The following LRP1B variants were observed in gnomAD, a reference collection of about 807,000 sequenced individuals.
The protein encoded by LRP1B is LDL receptor related protein 1B, also known as low-density lipoprotein receptor-related protein 1B.
LRP1B carries 217 observed loss-of-function variants against 556.6 expected under a neutral mutation model. That is an observed-to-expected ratio of 0.39 (90% CI 0.35 to 0.44). The LOEUF is 0.44. Ranked by LOEUF, LRP1B falls within the 20% of genes least tolerant of loss-of-function variation. The pLI, the probability that LRP1B is intolerant of heterozygous loss-of-function variation, is 1.00. For missense variants in LRP1B, 5,053 were observed against 5,620.8 expected (o/e 0.90, Z 3.23); for synonymous variants, 2,047 against 1,865.8 (o/e 1.10, Z -2.50).
chr2:141,834,320 T>A (rs1697199408), intron 1 of LRP1B, among the ~76,000 whole-genome samples: 1 of 151,812 alleles, frequency 6.6e-6, no homozygotes, highest in Non-Finnish European at 1.5e-5. Context: ...ACAGGCAGAC[T>A]AATTAAGAAG....
intron 3 of LRP1B, among the ~76,000 whole-genome samples, chr2:141,372,798 G>A (rs1469097081): frequency 6.6e-6 from 1 of 151,174 alleles, no homozygotes; most frequent in African/African-American, 2.4e-5. Flanking sequence ...TATTATTTTT[G>A]CTTCTCTTTT....
chr2:140,762,879 T>C (rs1314570321), intron 35 of LRP1B, among the ~76,000 whole-genome samples: 1 of 152,118 alleles, frequency 6.6e-6, no homozygotes, highest in Non-Finnish European at 1.5e-5. Flanking sequence ...TATTCAGTTT[T>C]CTTAAAATGG....
chr2:141,414,719 C>A (rs1307719763), intron 3 of LRP1B, among the ~76,000 whole-genome samples: 1 of 152,186 alleles, frequency 6.6e-6, no homozygotes, highest in Admixed American at 6.5e-5. Context: ...TGCTTTCAAT[C>A]CTGTTTCTGA....
At chr2:140,546,461 G>A (rs1680343179) in intron 43 of LRP1B, among the ~76,000 whole-genome samples, 3 of 152,064 alleles carry the variant, frequency 2.0e-5, no homozygotes, top group Admixed American at 2.0e-4. Flanking sequence ...GGAGGCCTCA[G>A]GAAACTTACA....
intron 3 of LRP1B, among the ~76,000 whole-genome samples, chr2:141,417,758 A>ATTTTTTTTTT (rs56660575): frequency 7.3e-6 from 1 of 136,368 alleles, no homozygotes; most frequent in Non-Finnish European, 1.6e-5. Context: ...TGGTAGTTCT[A>ATTTTTTTTTT]TTTTTTTTTT....
chr2:140,910,587 A>C (rs1694390991), intron 21 of LRP1B, among the ~76,000 whole-genome samples: 1 of 151,912 alleles, frequency 6.6e-6, no homozygotes, highest in South Asian at 2.1e-4. Context: ...ATTATATGAC[A>C]AAAAGCATAT....
chr2:141,753,820 C>T (rs1694223680), intron 2 of LRP1B, among the ~76,000 whole-genome samples: 1 of 152,054 alleles, frequency 6.6e-6, no homozygotes, highest in Non-Finnish European at 1.5e-5. Context: ...AGTACTTTTC[C>T]TTAAATAAAT....
chr2:141,302,880 A>G (rs1471324635), intron 3 of LRP1B, among the ~76,000 whole-genome samples: 1 of 152,080 alleles, frequency 6.6e-6, no homozygotes, highest in African/African-American at 2.4e-5. Flanking sequence ...ATTAATTAAT[A>G]AAGAAATCCT....
chr2:142,065,794 C>T (rs965848033), intron 1 of LRP1B, among the ~76,000 whole-genome samples: 16 of 151,298 alleles, frequency 1.1e-4, no homozygotes, highest in African/African-American at 3.4e-4. Flanking sequence ...ATTACAGCAT[C>T]GACTCAAAAT....
At chr2:141,541,153 A>G (rs1482510804) in intron 2 of LRP1B, among the ~76,000 whole-genome samples, 2 of 152,050 alleles carry the variant, frequency 1.3e-5, no homozygotes, top group Admixed American at 6.6e-5. Context: ...TTATGGAGGA[A>G]TTATTAAAAT....
chr2:141,797,784 G>A (rs1695872091), intron 2 of LRP1B, among the ~76,000 whole-genome samples: 1 of 152,106 alleles, frequency 6.6e-6, no homozygotes, highest in Middle Eastern at 3.2e-3. Context: ...AACACAATGA[G>A]GAAAGTGTAC....
At chr2:140,767,455 T>C (rs560343220) in intron 35 of LRP1B, among the ~76,000 whole-genome samples, 5 of 152,048 alleles carry the variant, frequency 3.3e-5, no homozygotes, top group African/African-American at 7.2e-5. Context: ...GAAAGTCCTA[T>C]TCTCTGCAAA....
chr2:142,028,927 T>C (rs1165823152), intron 1 of LRP1B, among the ~76,000 whole-genome samples: 1 of 151,956 alleles, frequency 6.6e-6, no homozygotes, highest in East Asian at 1.9e-4. Flanking sequence ...TTGGAGCTTT[T>C]CATTCATATG....
intron 82 of LRP1B, among the ~76,000 whole-genome samples, chr2:140,316,028 G>T (rs936286336): frequency 3.3e-5 from 5 of 152,022 alleles, no homozygotes; most frequent in Admixed American, 6.6e-5. Flanking sequence ...CATTCCTTGG[G>T]GTAGCAAAAT....
chr2:140,464,317 A>G (rs1453745719), intron 60 of LRP1B, among the ~76,000 whole-genome samples: 1 of 152,084 alleles, frequency 6.6e-6, no homozygotes, highest in African/African-American at 2.4e-5. Context: ...ATTTTCTAGT[A>G]TTTCTTGCCT....
At chr2:141,217,104 A>G (rs1416143068) in intron 6 of LRP1B, among the ~76,000 whole-genome samples, 2 of 152,128 alleles carry the variant, frequency 1.3e-5, no homozygotes, top group Non-Finnish European at 2.9e-5. Flanking sequence ...ATATGTCCCT[A>G]CCAAATCTCA....
At chr2:141,893,361 T>G (rs904186350) in intron 1 of LRP1B, among the ~76,000 whole-genome samples, 1 of 152,074 alleles carries the variant, frequency 6.6e-6, no homozygotes, top group Non-Finnish European at 1.5e-5. Context: ...CCACCGCACC[T>G]GGCTAATTTT....
At chr2:141,732,319 AAATAT>A (rs1402164144) in intron 2 of LRP1B, among the ~76,000 whole-genome samples, 4 of 151,574 alleles carry the variant, frequency 2.6e-5, no homozygotes, top group African/African-American at 4.8e-5. Context: ...CAGATTCCTA[AAATAT>A]AATATATCTG....
At chr2:141,358,740 C>T (rs948568221) in intron 3 of LRP1B, among the ~76,000 whole-genome samples, 7 of 152,130 alleles carry the variant, frequency 4.6e-5, no homozygotes, top group African/African-American at 1.7e-4. Flanking sequence ...TAGATAGCAA[C>T]ACAGTTTTCT....
Sources: allele counts gnomAD v4.1 joint callset (sites outside exome capture counted in the v4.1 genomes callset), GRCh38; gene constraint gnomAD v4.1.1; transcripts MANE v1.5; gene names NCBI Gene and HGNC (gene_info 2026-07-23, HGNC 2026-07-21).